Variants in NEDD4L observed in about 807,000 individuals in gnomAD.
NEDD4L encodes the protein E3 ubiquitin-protein ligase NEDD4-like.
In NEDD4L, 54 loss-of-function variants were observed where a neutral mutation model predicts 148.9. The observed-to-expected ratio is 0.36, with a 90% CI of 0.29 to 0.45. The LOEUF (loss-of-function observed/expected upper bound fraction) is 0.45. NEDD4L is among the 20% of genes least tolerant of loss of function. The pLI is 1.00. For synonymous variants in NEDD4L, 433 were observed against 440.7 expected, an observed-to-expected ratio of 0.98 and a Z score of 0.22; for missense variants, 856 against 1,233.8, an observed-to-expected ratio of 0.69 and a Z score of 4.59.
chr18:58,298,119 C>G (rs1237186306), intron 5 of NEDD4L, among the ~76,000 whole-genome samples: 1 of 152,174 alleles, frequency 6.6e-6, no homozygotes, highest in Non-Finnish European at 1.5e-5. Context: ...AGGAGACTTA[C>G]ATTTACAGTA....
chr18:58,098,373 G>A (rs892721004), intron 1 of NEDD4L, among the ~76,000 whole-genome samples: 2 of 152,136 alleles, frequency 1.3e-5, no homozygotes, highest in African/African-American at 2.4e-5. Context: ...AATAAGGCCC[G>A]TCTGTTCCTG....
chr18:58,057,228 G>C (rs748247480), intron 1 of NEDD4L, among the ~76,000 whole-genome samples: 4 of 145,912 alleles, frequency 2.7e-5, no homozygotes, highest in Non-Finnish European at 6.0e-5. Flanking sequence ...AGGATTTCTG[G>C]GTAATATTAC....
chr18:58,292,335 C>T (rs1177544703), intron 5 of NEDD4L, among the ~76,000 whole-genome samples: 1 of 152,140 alleles, frequency 6.6e-6, no homozygotes, highest in East Asian at 1.9e-4. Flanking sequence ...TCGAGGTGCT[C>T]CCCACCCCAG....
rs2050776709 is a variant in NEDD4L at position 58,400,406 on chromosome 18, T to C, written c.*4137T>C. The C allele has an allele frequency of 2.0e-5, 3 of 152,334 alleles. No individual in the cohort carries two copies. In the South Asian group the frequency reaches 6.2e-4, roughly 32 times the overall value. The allele number at this position is 152,334 out of a possible 1,614,324, so 9.4% of individuals were successfully genotyped here. A position where few individuals can be genotyped will look rare whatever the true frequency, so the allele number is the denominator to read the frequency against. On this transcript the variant is annotated 3_prime_UTR_variant, in exon 31 of 31. Coordinates refer to ENST00000400345, the MANE Select transcript of NEDD4L (RefSeq NM_001144967.3). Reference sequence around the variant, plus strand: ...GATATTCTTTGGACCACTTTTTTAATTTATATAAGCCTTAATGAACAGTGT... The same window carrying C: ...GATATTCTTTGGACCACTTTTTTAACTTATATAAGCCTTAATGAACAGTGT...
chr18:58,183,489 T>A (rs529170356), intron 2 of NEDD4L, among the ~76,000 whole-genome samples: 24 of 152,330 alleles, frequency 1.6e-4, no homozygotes, highest in African/African-American at 5.8e-4. Context: ...ATAGGCCATG[T>A]CCTCTTTCAA....
rs530543272 is a variant in NEDD4L at position 58,150,301 on chromosome 18, C to T, written c.49-15487C>T. Among the ~76,000 whole-genome samples, 4 of 152,346 alleles carry T rather than the reference C, an allele frequency of 2.6e-5. No individual in the cohort carries two copies. In the East Asian group the frequency reaches 5.8e-4, roughly 22 times the overall value. ...CTAGGCTGGAGTGCAATGGCATAAT[C>T]TCGGCCCACTGCAACCTCCGCCTCC... On this transcript the variant is annotated intron_variant, in intron 1 of 30. Transcript: ENST00000400345.
At chr18:58,099,319 T>C (rs2084616672) in intron 1 of NEDD4L, among the ~76,000 whole-genome samples, 1 of 152,214 alleles carries the variant, frequency 6.6e-6, no homozygotes, top group East Asian at 1.9e-4. Flanking sequence ...CCTCAAGGCC[T>C]GTTGTCTTAC....
At chr18:58,391,112 G>C (rs2049774945) in intron 29 of NEDD4L, among the ~76,000 whole-genome samples, 1 of 151,982 alleles carries the variant, frequency 6.6e-6, no homozygotes, top group South Asian at 2.1e-4. Flanking sequence ...GTTTACCATA[G>C]ATTTAAAAAT....
chr18:58,195,683 G>C (rs759794362), intron 2 of NEDD4L: 6 of 1,351,948 alleles, frequency 4.4e-6, no homozygotes, highest in Non-Finnish European at 5.9e-6. Context: ...ATCTAGACCT[G>C]CCTCTCTCTC....
intron 2 of NEDD4L, among the ~76,000 whole-genome samples, chr18:58,191,040 G>C (rs2040052167): frequency 1.3e-5 from 2 of 151,716 alleles, no homozygotes; most frequent in Admixed American, 1.3e-4. Context: ...GAGCCCAGGA[G>C]GTCAAGGCTG....
At chr18:58,154,938 T>G (rs2035278112) in intron 1 of NEDD4L, among the ~76,000 whole-genome samples, 1 of 152,266 alleles carries the variant, frequency 6.6e-6, no homozygotes, top group African/African-American at 2.4e-5. Flanking sequence ...CGATTACTTC[T>G]GTCATTTTGG....
At chr18:58,356,059 C>A (rs557722579) in intron 18 of NEDD4L, among the ~76,000 whole-genome samples, 1 of 152,040 alleles carries the variant, frequency 6.6e-6, no homozygotes, top group Admixed American at 6.6e-5. Context: ...CTCAAGCGAT[C>A]TTCCCACCTC....
At chr18:58,150,865 G>A (rs1437788819) in intron 1 of NEDD4L, among the ~76,000 whole-genome samples, 6 of 151,942 alleles carry the variant, frequency 3.9e-5, no homozygotes, top group African/African-American at 1.5e-4. Flanking sequence ...CAGTGGGGGC[G>A]GGTCGTACCA....
chr18:58,320,517 A>G (rs906650648), intron 6 of NEDD4L, among the ~76,000 whole-genome samples: 3 of 152,162 alleles, frequency 2.0e-5, no homozygotes, highest in African/African-American at 4.8e-5. Flanking sequence ...ATTGCTCTCA[A>G]ATTATTTGTT....
intron 2 of NEDD4L, among the ~76,000 whole-genome samples, chr18:58,192,701 C>CTCTT (rs113014302): frequency 0.35 from 52,432 of 151,658 alleles, 10,561 homozygotes; most frequent in African/African-American, 0.57. Flanking sequence ...AGGTACCTGT[C>CTCTT]TCTTTGAGGG....
intron 1 of NEDD4L, among the ~76,000 whole-genome samples, chr18:58,094,166 C>T (rs534970800): frequency 6.7e-6 from 1 of 150,086 alleles, no homozygotes; most frequent in Admixed American, 6.8e-5. Context: ...ACTCCTGCAC[C>T]CCCTTTTTTT....
At chr18:58,312,969 C>T (rs760489807) in intron 5 of NEDD4L, among the ~76,000 whole-genome samples, 5 of 152,168 alleles carry the variant, frequency 3.3e-5, no homozygotes, top group East Asian at 1.9e-4. Context: ...CGTGAGCCAC[C>T]GTACCTGGCC....
intron 1 of NEDD4L, among the ~76,000 whole-genome samples, chr18:58,079,285 AG>A (rs1365988256): frequency 6.6e-6 from 1 of 152,200 alleles, no homozygotes; most frequent in Non-Finnish European, 1.5e-5. Context: ...GTTCATCTTT[AG>A]GAGTCTGTAC....
chr18:58,364,477 T>G lies in NEDD4L; in HGVS notation c.1833+144T>G, dbSNP rs770657278. On this transcript the variant is annotated intron_variant, in intron 20 of 30. Transcript: ENST00000400345. ...TTTTCTCTCTGCACTTTGATCCTCC[T>G]GGTTCTAAAATCTGAATTTTCTTTT... The G allele has an allele frequency of 3.3e-4, 196 of 590,916 alleles. 1 individual carries two copies. Among genetic ancestry groups the G allele is most frequent in the Non-Finnish European group, 4.8e-4 (161 of 336,656 alleles). The allele number at this position is 590,916 out of a possible 1,614,324, so 36.6% of individuals were successfully genotyped here.
Sources: allele counts gnomAD v4.1 joint callset (sites outside exome capture counted in the v4.1 genomes callset), GRCh38; gene constraint gnomAD v4.1.1; transcripts MANE v1.5; gene names NCBI Gene and HGNC (gene_info 2026-07-23, HGNC 2026-07-21).